The following MEGF8 variants were observed in gnomAD, a reference collection of about 807,000 sequenced individuals.
MEGF8 encodes multiple epidermal growth factor-like domains protein 8.
Under a neutral mutation model 302.9 loss-of-function variants are expected in MEGF8, and 156 were observed. The observed-to-expected ratio is 0.52, with a 90% CI of 0.45 to 0.59. The LOEUF is 0.59. Ranked by LOEUF, MEGF8 falls within the 20% of genes least tolerant of loss-of-function variation. MEGF8 has a pLI of 0.00. For synonymous variants in MEGF8, 1,621 were observed against 1,660.5 expected (o/e 0.98, Z 0.58); for missense variants, 3,345 against 3,964.5 (o/e 0.84, Z 4.20).
rs1040282535 is a variant in MEGF8 at position 42,325,960 on chromosome 19, G to T, written c.-284G>T. 4.9e-5 allele frequency: 18 copies of T among 369,178 alleles called. No individual in the cohort carries two copies. Among genetic ancestry groups the T allele is most frequent in the African/African-American group, 3.6e-4 (17 of 47,884 alleles). The allele number at this position is 369,178 out of a possible 1,614,324, so 22.9% of individuals were successfully genotyped here. ...TGGGATCGGCCCCCTATGGAGCCCT[G>T]TGTCTATAGGGGACTCCTACGGTCC... On this transcript the variant is annotated 5_prime_UTR_variant, in exon 1 of 42. Coordinates refer to ENST00000251268, the MANE Select transcript of MEGF8 (RefSeq NM_001271938.2).
At position 42,348,297 on chromosome 19, in the gene MEGF8, T is replaced by C. The variant is rs2039318954; in HGVS notation, c.2123T>C (p.Ile708Thr). Reference sequence around the variant, plus strand: ...GTCTCAATTGTCCGCAGCACGACCATCACCCTAACACCCAGCGCAGAGACA... The same window carrying C: ...GTCTCAATTGTCCGCAGCACGACCACCACCCTAACACCCAGCGCAGAGACA... ...DKVSIVRSTT[I>T]TLTPSAETDV... The change falls in exon 13 of 42, where the codon ATC (isoleucine) becomes ACC (threonine). Residue 708 changes from isoleucine to threonine, a missense_variant. Transcript: ENST00000251268. 6 of 1,537,316 alleles carry C rather than the reference T, an allele frequency of 3.9e-6. No homozygotes were observed. The East Asian group carries it at 9.8e-5, about 25-fold the overall frequency.
In MEGF8 at chr19:42,370,744, T is replaced by A; in HGVS notation, c.7049T>A (p.Val2350Glu). ...GAGGGTCCTAGTGAAGACGAGGCCG[T>A]GTGCGTGAACTGCCAGAATAACAGC... ...VTEGPSEDEA[V>E]CVNCQNNSYG... The change falls in exon 40 of 42, where the codon GTG becomes GAG. Residue 2350 changes from valine (V) to glutamate (E), a missense_variant. Coordinates refer to ENST00000251268, the MANE Select transcript of MEGF8 (RefSeq NM_001271938.2). 6.3e-7 allele frequency: 1 copy of A among 1,584,638 alleles called. No individual in the cohort carries two copies. The highest frequency in any genetic ancestry group is 8.6e-7 in the Non-Finnish European group (1 of 1,165,694).
At chr19:42,330,178 A>G (rs116958159) in intron 1 of MEGF8, among the ~76,000 whole-genome samples, 2,172 of 152,192 alleles carry the variant, frequency 0.014, 30 homozygotes, top group Non-Finnish European at 0.024. Context: ...CCTGGCCTCA[A>G]ATGATCTGCC....
At chr19:42,355,398 G>A (rs1174894940) in intron 23 of MEGF8, among the ~76,000 whole-genome samples, 1 of 152,160 alleles carries the variant, frequency 6.6e-6, no homozygotes, top group Admixed American at 6.5e-5. Flanking sequence ...TGGAAGGTTT[G>A]GAGCTTGCTG....
Position 42,376,364 on chromosome 19 carries a change from T to G in MEGF8, c.8127T>G (p.Thr2709=). The change falls in exon 42 of 42, where the codon ACT becomes ACG. Residue 2709 remains threonine, a synonymous_variant. Coordinates refer to ENST00000251268, the MANE Select transcript of MEGF8 (RefSeq NM_001271938.2). The surrounding 1 kb of genome is among the most constrained non-coding windows in gnomAD (Gnocchi z 8.2). Reference sequence around the variant, plus strand: ...CCGTCTGCTTCCCACCTGACCCTACTGCCCCGGCCTCCGCCTGGAAGCCGG... The same window carrying G: ...CCGTCTGCTTCCCACCTGACCCTACGGCCCCGGCCTCCGCCTGGAAGCCGG... The part of the protein sequence containing the change: ...KVTVCFPPDP[T]APASAWKPAG... 1 of 1,613,366 alleles carries G rather than the reference T, an allele frequency of 6.2e-7. No individual in the cohort carries two copies. Among genetic ancestry groups the G allele is most frequent in the Non-Finnish European group, 8.5e-7 (1 of 1,179,786 alleles).
rs2039754626 is a variant in MEGF8, at chr19:42,375,589, G to C, written c.7352G>C (p.Cys2451Ser). The C allele has an allele frequency of 6.4e-7, 1 of 1,573,356 alleles. No individual in the cohort carries two copies. The highest frequency in any genetic ancestry group is 1.2e-5 in the South Asian group (1 of 86,744). ...CYRLISVEQE[C>S]CLDPTSQTNC... ...CGCCTCATCTCGGTGGAGCAGGAGT[G>C]CTGCCTGGACCCCACGTCCCAGACC... The change falls in exon 42 of 42, where the codon TGC (cysteine) becomes TCC (serine). Residue 2451 changes from cysteine (C) to serine (S), a missense_variant. Physicochemically the swap from Cys to Ser is moderately radical, Grantham distance 112. Transcript: ENST00000251268. This position sits in a 1 kb window ranked among gnomAD's most constrained non-coding sequence, Gnocchi z 7.1.
chr19:42,375,679 A>C lies in MEGF8; in HGVS notation c.7442A>C (p.Gln2481Pro). ...GPGRTVLFGV[Q>P]PKFTNVDIRL... is the part of the protein sequence containing the mutation. ...GGCCGCACTGTCCTCTTTGGCGTGC[A>C]GCCCAAATTCACCAACGTGGACATC... is the stretch of plus-strand genomic sequence containing the variant. The change falls in exon 42 of 42, where the codon CAG (glutamine) becomes CCG (proline). Residue 2481 changes from glutamine to proline, a missense_variant. By Grantham distance (76) the Gln-to-Pro change is moderately conservative. Coordinates refer to ENST00000251268, the MANE Select transcript of MEGF8 (RefSeq NM_001271938.2). This position sits in a 1 kb window ranked among gnomAD's most constrained non-coding sequence, Gnocchi z 7.1. 6.2e-7 allele frequency: 1 copy of C among 1,610,908 alleles called. No individual in the cohort carries two copies. Among genetic ancestry groups the C allele is most frequent in the Non-Finnish European group, 8.5e-7 (1 of 1,178,986 alleles).
chr19:42,376,612 A>G lies in MEGF8; in HGVS notation c.8375A>G (p.His2792Arg), dbSNP rs2039774355. The G allele has an allele frequency of 1.9e-6, 3 of 1,546,992 alleles. No homozygotes were observed. The highest frequency in any genetic ancestry group is 2.6e-6 in the Non-Finnish European group (3 of 1,149,000). The change falls in exon 42 of 42, where the codon CAT becomes CGT. Residue 2792 changes from histidine to arginine, a missense_variant. Transcript: ENST00000251268. This position sits in a 1 kb window ranked among gnomAD's most constrained non-coding sequence, Gnocchi z 8.2. ...CTGCTCCAGCTGCCTGGCGGGCCCCATGCACCCAACGGCGCCTGCCTGGGG... is the reference window on the plus strand; with the variant it reads ...CTGCTCCAGCTGCCTGGCGGGCCCCGTGCACCCAACGGCGCCTGCCTGGGG... ...TLLLQLPGGP[H>R]APNGACLGSA...
rs755819299 is a variant in MEGF8, at chr19:42,357,606, G to T, written c.5011+22G>T. On this transcript the variant is annotated intron_variant, in intron 28 of 41. Coordinates refer to ENST00000251268, the MANE Select transcript of MEGF8 (RefSeq NM_001271938.2). This position sits in a 1 kb window ranked among gnomAD's most constrained non-coding sequence, Gnocchi z 5.2. ...ACAGGTGGGGCTGGGGACCGGGAGG[G>T]GACAGCCCCCGTGGACCTCCCGGGC... The T allele has an allele frequency of 9.6e-6, 15 of 1,566,832 alleles. No individual in the cohort carries two copies. The highest frequency in any genetic ancestry group is 5.4e-5 in the African/African-American group (4 of 73,636).
At chr19:42,361,602 C>T (rs1030473269) in intron 32 of MEGF8, among the ~76,000 whole-genome samples, 1 of 152,130 alleles carries the variant, frequency 6.6e-6, no homozygotes, top group Non-Finnish European at 1.5e-5. Flanking sequence ...CACTGCTTTT[C>T]TAAAATCCAG....
At chr19:42,339,223 C>T (rs1360696482) in intron 8 of MEGF8, among the ~76,000 whole-genome samples, 1 of 152,124 alleles carries the variant, frequency 6.6e-6, no homozygotes, top group Non-Finnish European at 1.5e-5. Context: ...TGAACATACA[C>T]GTTAGAACAA....
At position 42,376,462 on chromosome 19, in the gene MEGF8, G is replaced by C. The variant is rs1270384519; in HGVS notation, c.8225G>C (p.Gly2742Ala). ...CCCCTGCTGCTGACAGGGGCCGGTG[G>C]GCCCTGGGGACCCATGGGAGGGGGC... is the stretch of plus-strand genomic sequence containing the variant. ...LAPLLLTGAGGPWGPMGGGCC... is the reference protein window; with the variant it reads ...LAPLLLTGAGAPWGPMGGGCC... Residue 2742 changes from glycine (G) to alanine (A), a missense_variant, in exon 42 of 42, where the codon GGG becomes GCG. Gly to Ala is a moderately conservative substitution (Grantham distance 60). Transcript: ENST00000251268. This position sits in a 1 kb window ranked among gnomAD's most constrained non-coding sequence, Gnocchi z 8.2. 6.2e-7 allele frequency: 1 copy of C among 1,609,060 alleles called. No homozygotes were observed. The highest frequency in any genetic ancestry group is 8.5e-7 in the Non-Finnish European group (1 of 1,178,750).
chr19:42,342,421 G>A (rs1213775657), intron 8 of MEGF8, among the ~76,000 whole-genome samples: 1 of 152,176 alleles, frequency 6.6e-6, no homozygotes, highest in Non-Finnish European at 1.5e-5. Flanking sequence ...AGTGGATCAC[G>A]AGGTCAGGAG....
chr19:42,376,641 G>C lies in MEGF8; in HGVS notation c.8404G>C (p.Ala2802Pro). The C allele has an allele frequency of 6.5e-7, 1 of 1,541,344 alleles. No individual in the cohort carries two copies. The highest frequency in any genetic ancestry group is 8.7e-7 in the Non-Finnish European group (1 of 1,145,762). Residue 2802 changes from alanine (A) to proline (P), a missense_variant, in exon 42 of 42, where the codon GCC (alanine) becomes CCC (proline). Coordinates refer to ENST00000251268, the MANE Select transcript of MEGF8 (RefSeq NM_001271938.2). The surrounding 1 kb of genome is among the most constrained non-coding windows in gnomAD (Gnocchi z 8.2). ...HAPNGACLGSALVTLRHRLHE... is the reference protein window; with the variant it reads ...HAPNGACLGSPLVTLRHRLHE... ...ACCCAACGGCGCCTGCCTGGGGTCAGCCCTCGTCACACTGCGGCACAGGCT... is the reference window on the plus strand; with the variant it reads ...ACCCAACGGCGCCTGCCTGGGGTCACCCCTCGTCACACTGCGGCACAGGCT...
In MEGF8 at chr19:42,343,377, G is replaced by A. The variant is rs1193376121; in HGVS notation, c.1514-100G>A. ...GGCAGGTGAGGTTGAAGCAGCCACC[G>A]GAATAGAAGGCTGGGCTGTGGCCCA... On this transcript the variant is annotated intron_variant, in intron 8 of 41. Coordinates refer to ENST00000251268, the MANE Select transcript of MEGF8 (RefSeq NM_001271938.2). The A allele has an allele frequency of 2.7e-5, 37 of 1,360,564 alleles. 1 individual carries two copies. The highest frequency in any genetic ancestry group is 3.2e-5 in the Non-Finnish European group (32 of 1,010,854). The allele number at this position is 1,360,564 out of a possible 1,614,324, so 84.3% of individuals were successfully genotyped here.
In MEGF8 at chr19:42,375,491, C is replaced by G; in HGVS notation, c.7270-16C>G. On this transcript the variant is annotated splice_polypyrimidine_tract_variant and intron_variant, in intron 41 of 41. Coordinates refer to ENST00000251268, the MANE Select transcript of MEGF8 (RefSeq NM_001271938.2). The surrounding 1 kb of genome is among the most constrained non-coding windows in gnomAD (Gnocchi z 7.1). ...CACTCAGCCCTGATGGTCACCGCCT[C>G]TAACCCTGCCCGCAGTGCGCCAAGT... 1 of 1,560,334 alleles carries G rather than the reference C, an allele frequency of 6.4e-7. No individual in the cohort carries two copies. The highest frequency in any genetic ancestry group is 1.4e-5 in the African/African-American group (1 of 73,820).
At position 42,370,850 on chromosome 19, in the gene MEGF8, G is replaced by GT; in HGVS notation, c.7136+19_7136+20insT. On this transcript the variant is annotated intron_variant, in intron 40 of 41. Coordinates refer to ENST00000251268, the MANE Select transcript of MEGF8 (RefSeq NM_001271938.2). ...GCACCAAGTAAGAGGAACCGGGGGGGGGGGGGGGGGGGGGGGGGGGGGAGG... is the reference window on the plus strand; with the variant it reads ...GCACCAAGTAAGAGGAACCGGGGGGGTGGGGGGGGGGGGGGGGGGGGGGAGG... 1 of 167,384 alleles carries GT rather than the reference G, an allele frequency of 6.0e-6. No individual in the cohort carries two copies. The highest frequency in any genetic ancestry group is 3.5e-5 in the South Asian group (1 of 28,624). The allele number at this position is 167,384 out of a possible 1,614,324, so 10.4% of individuals were successfully genotyped here. A position where few individuals can be genotyped will look rare whatever the true frequency, so the allele number is the denominator to read the frequency against.
intron 1 of MEGF8, among the ~76,000 whole-genome samples, chr19:42,327,084 A>G (rs1195617798): frequency 6.6e-6 from 1 of 152,214 alleles, no homozygotes; most frequent in African/African-American, 2.4e-5. Flanking sequence ...AAATGGGATA[A>G]CAACAGTACT....
Position 42,369,069 on chromosome 19 carries a change from G to T in MEGF8, c.6641+67G>T, listed in dbSNP as rs531929732. The T allele has an allele frequency of 6.3e-7, 1 of 1,578,448 alleles. No individual in the cohort carries two copies. The highest frequency in any genetic ancestry group is 1.7e-5 in the Admixed American group (1 of 57,598). On this transcript the variant is annotated intron_variant, in intron 37 of 41. Transcript: ENST00000251268. The surrounding 1 kb of genome is among the most constrained non-coding windows in gnomAD (Gnocchi z 5.7). ...GGAGAGTCTGTGGGGAGCAGTAATG[G>T]ATGAGGCCTAGAGCCAAGCAGGACA...
Sources: allele counts gnomAD v4.1 joint callset (sites outside exome capture counted in the v4.1 genomes callset), GRCh38; gene constraint gnomAD v4.1.1; non-coding constraint Gnocchi (gnomAD v3.1); transcripts MANE v1.5; gene names NCBI Gene and HGNC (gene_info 2026-07-23, HGNC 2026-07-21).